B3GALT1: variants seen among roughly 807,000 people sequenced by gnomAD.
B3GALT1 encodes UDP-Gal:betaGlcNAc beta 1,3-galactosyltransferase, polypeptide 1.
Under a neutral mutation model 23.2 loss-of-function variants are expected in B3GALT1, and 10 were observed. The ratio of observed to expected loss-of-function variants is 0.43; its 90% CI spans 0.27 to 0.73. B3GALT1 has a LOEUF of 0.73. Among genes scored for constraint, B3GALT1 ranks in the 30% least tolerant of loss-of-function variants. The pLI, the probability that B3GALT1 is intolerant of heterozygous loss-of-function variation, is 0.21. For missense variants in B3GALT1, 299 were observed against 405.4 expected (o/e 0.74, Z 2.25); for synonymous variants, 156 against 141.5 (o/e 1.10, Z -0.73).
chr2:167,584,450 C>A (rs957292374), intron 2 of B3GALT1, among the ~76,000 whole-genome samples: 3 of 152,170 alleles, frequency 2.0e-5, no homozygotes, highest in African/African-American at 7.2e-5. Flanking sequence ...TCATACACTT[C>A]TGACATCAGA....
intron 3 of B3GALT1, among the ~76,000 whole-genome samples, chr2:167,649,626 A>T (rs1305354231): frequency 2.6e-5 from 4 of 152,126 alleles, no homozygotes; most frequent in African/African-American, 9.6e-5. Flanking sequence ...GAGATGTATC[A>T]GTAATTTGTT....
chr2:167,623,489 A>G (rs578158519), intron 2 of B3GALT1, among the ~76,000 whole-genome samples: 12 of 152,240 alleles, frequency 7.9e-5, no homozygotes, highest in African/African-American at 2.9e-4. Context: ...ATTCTCAGCA[A>G]ACTTACAAAA....
chr2:167,838,354 G>A (rs1379733945), intron 4 of B3GALT1, among the ~76,000 whole-genome samples: 578 of 150,620 alleles, frequency 3.8e-3, no homozygotes, highest in Admixed American at 6.6e-3. Flanking sequence ...TATCACCACC[G>A]ATCCCACAGA....
At chr2:167,396,007 C>A (rs1187929161) in intron 1 of B3GALT1, among the ~76,000 whole-genome samples, 1 of 152,010 alleles carries the variant, frequency 6.6e-6, no homozygotes, top group Non-Finnish European at 1.5e-5. Flanking sequence ...CTACCCTCAC[C>A]CCTCCAGAGA....
At chr2:167,862,343 C>T (rs542362115) in intron 4 of B3GALT1, among the ~76,000 whole-genome samples, 5 of 152,280 alleles carry the variant, frequency 3.3e-5, no homozygotes, top group Admixed American at 3.3e-4. Context: ...GCTCGAGAAC[C>T]AGAAGCACTG....
chr2:167,831,207 C>G (rs974933373), intron 4 of B3GALT1, among the ~76,000 whole-genome samples: 1 of 152,196 alleles, frequency 6.6e-6, no homozygotes, highest in African/African-American at 2.4e-5. Flanking sequence ...TCTAATAGTT[C>G]TCAACAGTGC....
chr2:167,548,665 C>T (rs757624527), intron 2 of B3GALT1, among the ~76,000 whole-genome samples: 1 of 142,520 alleles, frequency 7.0e-6, no homozygotes, highest in Non-Finnish European at 1.5e-5. Flanking sequence ...CCCTGGATTG[C>T]CTGTCCAGAC....
Position 167,751,713 on chromosome 2 carries a change from CTT to C in B3GALT1, c.-351-66958_-351-66957del, listed in dbSNP as rs139350499. On this transcript the variant is annotated intron_variant, in intron 3 of 4. Transcript: ENST00000392690. ...GGGTGAGACATTCAGAAAAATGAAA[CTT>C]GTGTTATTTCACAGCTCATTTAGTC... Among the ~76,000 whole-genome samples the C allele has an allele frequency of 4.2e-3, 638 of 152,276 alleles. 2 individuals are homozygous for C. Among genetic ancestry groups the C allele is most frequent in the African/African-American group, 0.015 (603 of 41,554 alleles).
intron 2 of B3GALT1, among the ~76,000 whole-genome samples, chr2:167,643,630 C>A (rs551452629): frequency 4.1e-4 from 63 of 152,148 alleles, no homozygotes; most frequent in African/African-American, 1.4e-3. Flanking sequence ...ACCTCTTTTC[C>A]CATAGTCATC....
chr2:167,581,738 G>A (rs923579886), intron 2 of B3GALT1, among the ~76,000 whole-genome samples: 1 of 152,164 alleles, frequency 6.6e-6, no homozygotes, highest in Non-Finnish European at 1.5e-5. Context: ...TAATGCAGAG[G>A]CTGTTAAAAA....
At chr2:167,736,414 C>T (rs1030824394) in intron 3 of B3GALT1, among the ~76,000 whole-genome samples, 2 of 152,118 alleles carry the variant, frequency 1.3e-5, no homozygotes, top group Non-Finnish European at 2.9e-5. Context: ...TGTAGGACTC[C>T]TTCAGAATGC....
At chr2:167,472,147 C>T (rs1699426226) in intron 1 of B3GALT1, among the ~76,000 whole-genome samples, 2 of 152,330 alleles carry the variant, frequency 1.3e-5, no homozygotes, top group South Asian at 2.1e-4. Context: ...GGAATCTGCA[C>T]ATCTGACTGT....
At chr2:167,385,938 CT>C (rs1236718414) in intron 1 of B3GALT1, among the ~76,000 whole-genome samples, 4 of 152,180 alleles carry the variant, frequency 2.6e-5, no homozygotes, top group African/African-American at 9.6e-5. Flanking sequence ...TGTTTATAAA[CT>C]TTCATTTATA....
chr2:167,826,060 C>T (rs1689217876), intron 4 of B3GALT1, among the ~76,000 whole-genome samples: 1 of 152,134 alleles, frequency 6.6e-6, no homozygotes, highest in Non-Finnish European at 1.5e-5. Flanking sequence ...TACAATTTCC[C>T]TCAAATGGGC....
chr2:167,736,937 TC>T (rs993546042), intron 3 of B3GALT1, among the ~76,000 whole-genome samples: 1 of 129,036 alleles, frequency 7.7e-6, no homozygotes, highest in Admixed American at 8.6e-5. Context: ...GTCCCCCCCT[TC>T]CCCCCCAAAA....
intron 2 of B3GALT1, among the ~76,000 whole-genome samples, chr2:167,500,134 A>T (rs962961431): frequency 6.6e-6 from 1 of 152,132 alleles, no homozygotes; most frequent in African/African-American, 2.4e-5. Flanking sequence ...TCACAGGAAC[A>T]ATTTCCTAGT....
At chr2:167,554,997 C>T (rs946969737) in intron 2 of B3GALT1, among the ~76,000 whole-genome samples, 5 of 152,100 alleles carry the variant, frequency 3.3e-5, no homozygotes, top group African/African-American at 1.2e-4. Context: ...GGTCTTCAAA[C>T]ATAAAATAGA....
At chr2:167,701,271 T>C (rs573080249) in intron 3 of B3GALT1, among the ~76,000 whole-genome samples, 1 of 150,388 alleles carries the variant, frequency 6.6e-6, no homozygotes, top group African/African-American at 2.4e-5. Context: ...AGCTTTCTTA[T>C]GGGGGGAGGA....
chr2:167,504,889 C>G (rs759750197), intron 2 of B3GALT1, among the ~76,000 whole-genome samples: 1 of 152,108 alleles, frequency 6.6e-6, no homozygotes, highest in Non-Finnish European at 1.5e-5. Context: ...CAAGTACACT[C>G]TATGATGTTT....
Sources: allele counts gnomAD v4.1 joint callset (sites outside exome capture counted in the v4.1 genomes callset), GRCh38; gene constraint gnomAD v4.1.1; transcripts MANE v1.5; gene names NCBI Gene and HGNC (gene_info 2026-07-23, HGNC 2026-07-21).